PGM5: variants seen among roughly 807,000 people sequenced by gnomAD.
The protein encoded by PGM5 is phosphoglucomutase 5, also known as phosphoglucomutase-like protein 5.
In PGM5, 23 loss-of-function variants were observed where a neutral mutation model predicts 59.2. The observed-to-expected ratio is 0.39, with a 90% CI of 0.28 to 0.55. The LOEUF is 0.55. Ranked by LOEUF, PGM5 falls within the 20% of genes least tolerant of loss-of-function variation. The pLI is 0.66. For missense variants in PGM5, 574 were observed against 748.3 expected (o/e 0.77, Z 2.72); for synonymous variants, 214 against 286.0 (o/e 0.75, Z 2.54).
At chr9:68,525,040 C>T (rs1262928390) in intron 10 of PGM5, among the ~76,000 whole-genome samples, 1 of 152,092 alleles carries the variant, frequency 6.6e-6, no homozygotes, top group African/African-American at 2.4e-5. Context: ...CTTTTTGCTC[C>T]TCATTCCAAC....
At chr9:68,486,875 C>A (rs1824304748) in intron 9 of PGM5, among the ~76,000 whole-genome samples, 1 of 152,202 alleles carries the variant, frequency 6.6e-6, no homozygotes, top group Non-Finnish European at 1.5e-5. Flanking sequence ...AATTGCACCA[C>A]TTGACATTCC....
chr9:68,359,766 G>A (rs1186671029), intron 1 of PGM5, among the ~76,000 whole-genome samples: 29 of 152,218 alleles, frequency 1.9e-4, no homozygotes, highest in African/African-American at 6.7e-4. Flanking sequence ...CTAACCAGTG[G>A]GCTGCATTCT....
At chr9:68,379,737 T>C (rs2989616) in intron 2 of PGM5, among the ~76,000 whole-genome samples, 7 of 151,904 alleles carry the variant, frequency 4.6e-5, no homozygotes, top group South Asian at 2.1e-4. Context: ...TAGGCATATA[T>C]TGAAAGTAAA....
rs540903357 is a variant in PGM5, at chr9:68,530,786, C to T, written c.*1130C>T. 6.6e-6 allele frequency: 1 copy of T among 152,370 alleles called. No individual in the cohort carries two copies. The highest frequency in any genetic ancestry group is 6.5e-5 in the Admixed American group (1 of 15,304). The allele number at this position is 152,370 out of a possible 1,614,324, so 9.4% of individuals were successfully genotyped here. A position where few individuals can be genotyped will look rare whatever the true frequency, so the allele number is the denominator to read the frequency against. On this transcript the variant is annotated 3_prime_UTR_variant, in exon 11 of 11. Coordinates refer to ENST00000396396, the MANE Select transcript of PGM5 (RefSeq NM_021965.4). ...GAAAAGGGTACTGCCGGTCTAGCAG[C>T]CTCCTCTGTACTCAGCCAGGACACC...
chr9:68,436,675 C>T (rs1554683393), intron 6 of PGM5, among the ~76,000 whole-genome samples: 1 of 152,246 alleles, frequency 6.6e-6, no homozygotes, highest in East Asian at 1.9e-4. Context: ...ACCACTTCAT[C>T]TCACAAAATC....
chr9:68,491,708 A>G (rs987930003), intron 9 of PGM5, among the ~76,000 whole-genome samples: 6 of 152,228 alleles, frequency 3.9e-5, no homozygotes, highest in Admixed American at 1.3e-4. Context: ...CTGATTTGAA[A>G]ATAAAATGGG....
chr9:68,439,947 C>G (rs1488015375), intron 6 of PGM5, among the ~76,000 whole-genome samples: 1 of 152,058 alleles, frequency 6.6e-6, no homozygotes, highest in Non-Finnish European at 1.5e-5. Context: ...ACAGTATATA[C>G]AAAACTTGAG....
At chr9:68,427,758 C>T (rs782038922) in intron 6 of PGM5, among the ~76,000 whole-genome samples, 1 of 152,158 alleles carries the variant, frequency 6.6e-6, no homozygotes, top group Non-Finnish European at 1.5e-5. Flanking sequence ...CCTTGGAAGT[C>T]TGTGTAATTT....
intron 6 of PGM5, among the ~76,000 whole-genome samples, chr9:68,460,411 A>G (rs1189298542): frequency 3.3e-5 from 5 of 152,288 alleles, no homozygotes; most frequent in South Asian, 2.1e-4. Flanking sequence ...GTTTGATCAC[A>G]TAAGGGTAGG....
At position 68,405,826 on chromosome 9, in the gene PGM5, T is replaced by A. The variant is rs2132033465; in HGVS notation, c.1043+13353T>A. ...CTGATGGAGCTCATCTTCCCTTCCATGTTCCCTTTTCCTTTAGCAAACTTC... is the reference window on the plus strand; with the variant it reads ...CTGATGGAGCTCATCTTCCCTTCCAAGTTCCCTTTTCCTTTAGCAAACTTC... On this transcript the variant is annotated intron_variant, in intron 6 of 10. Transcript: ENST00000396396. 3 of 128,684 alleles carry A rather than the reference T, an allele frequency of 2.3e-5. No homozygotes were observed. The East Asian group carries it at 6.2e-4, about 27-fold the overall frequency. The allele number at this position is 128,684 out of a possible 1,614,324, so 8.0% of individuals were successfully genotyped here.
At chr9:68,400,177 G>T (rs1468116821) in intron 6 of PGM5, among the ~76,000 whole-genome samples, 6 of 152,068 alleles carry the variant, frequency 3.9e-5, no homozygotes, top group Non-Finnish European at 8.8e-5. Flanking sequence ...AGAAAGTCAC[G>T]CATTTTCTTC....
intron 6 of PGM5, among the ~76,000 whole-genome samples, chr9:68,456,436 G>C (rs1348828355): frequency 6.6e-6 from 1 of 150,824 alleles, no homozygotes; most frequent in Admixed American, 6.6e-5. Flanking sequence ...TCAGCCTCCC[G>C]AGTAGCTGGG....
At position 68,492,641 on chromosome 9, in the gene PGM5, A is replaced by G. The variant is rs996203489; in HGVS notation, c.1480-6586A>G. On this transcript the variant is annotated intron_variant, in intron 9 of 10. Transcript: ENST00000396396. ...GCCGAAGGAAGGATGGTTTTCTGCA[A>G]TTTATCCATGCTGGGGGTAGAGGGG... 3.9e-5 allele frequency among the ~76,000 whole-genome samples: 6 copies of G among 152,192 alleles called. No individual in the cohort carries two copies. The South Asian group carries it at 1.0e-3, about 26-fold the overall frequency.
intron 1 of PGM5, among the ~76,000 whole-genome samples, chr9:68,377,598 C>G (rs1295515054): frequency 6.6e-6 from 1 of 152,098 alleles, no homozygotes; most frequent in Non-Finnish European, 1.5e-5. Flanking sequence ...CATGAATGAC[C>G]TCCAGATCTC....
chr9:68,357,651 G>T (rs1443792684), intron 1 of PGM5: 11 of 549,126 alleles, frequency 2.0e-5, no homozygotes, highest in Middle Eastern at 4.9e-4. Flanking sequence ...AGCCACTCCG[G>T]GCGCCCTGGA....
In PGM5 at chr9:68,468,052, C is replaced by T. The variant is rs782590130; in HGVS notation, c.1159+2844C>T. On this transcript the variant is annotated intron_variant, in intron 7 of 10. Transcript: ENST00000396396. ...TCCTTCCTTCCTTTCTTTCTTGGCTCAGGTGCACATGTGAATGTTTGTTAC... is the reference window on the plus strand; with the variant it reads ...TCCTTCCTTCCTTTCTTTCTTGGCTTAGGTGCACATGTGAATGTTTGTTAC... Among the ~76,000 whole-genome samples, 25 of 145,448 alleles carry T rather than the reference C, an allele frequency of 1.7e-4. 1 individual carries two copies. The highest frequency in any genetic ancestry group is 1.2e-3 in the Admixed American group (18 of 14,546).
At chr9:68,454,778 G>A (rs1426500698) in intron 6 of PGM5, among the ~76,000 whole-genome samples, 2 of 152,166 alleles carry the variant, frequency 1.3e-5, no homozygotes, top group Admixed American at 6.5e-5. Flanking sequence ...CACAGGCAGC[G>A]CATGTTTGCC....
At chr9:68,378,393 C>G in intron 2 of PGM5, 32 bp downstream of exon 2, 6 of 1,552,266 alleles carry the variant, frequency 3.9e-6, no homozygotes, top group Admixed American at 2.0e-5. Context: ...TTAATAATTA[C>G]GATTTCTTTC....
At chr9:68,510,442 T>C (rs947146657) in intron 10 of PGM5, among the ~76,000 whole-genome samples, 1 of 152,266 alleles carries the variant, frequency 6.6e-6, no homozygotes, top group Middle Eastern at 3.4e-3. Context: ...TGAGCCACCG[T>C]GCCTGGCCGA....
Sources: gnomAD v4.1 joint callset for allele counts (sites outside exome capture counted in the v4.1 genomes callset) on GRCh38, gnomAD v4.1.1 for gene constraint, MANE v1.5 for transcripts, NCBI Gene and HGNC (gene_info 2026-07-23, HGNC 2026-07-21) for gene names.